The following WNT7A variants were observed in gnomAD, a reference collection of about 807,000 sequenced individuals.
WNT7A encodes protein Wnt-7a.
Under a neutral mutation model 28.2 loss-of-function variants are expected in WNT7A, and 16 were observed. The ratio of observed to expected loss-of-function variants is 0.57; its 90% CI spans 0.38 to 0.86. WNT7A has a LOEUF of 0.86. WNT7A is among the 40% of genes least tolerant of loss of function. The probability of loss-of-function intolerance (pLI) is 0.00; values close to 1 mark genes in which losing one functional copy is unlikely to be tolerated. For synonymous variants in WNT7A, 190 were observed against 195.9 expected (o/e 0.97, Z 0.25); for missense variants, 411 against 489.7 (o/e 0.84, Z 1.52).
At chr3:13,855,017 G>T (rs1376092254) in intron 2 of WNT7A, among the ~76,000 whole-genome samples, 1 of 152,188 alleles carries the variant, frequency 6.6e-6, no homozygotes, top group Non-Finnish European at 1.5e-5. Flanking sequence ...CAGAACCTGG[G>T]GAGTCAACTG....
At chr3:13,860,093 G>C (rs1694803797) in intron 2 of WNT7A, among the ~76,000 whole-genome samples, 1 of 152,140 alleles carries the variant, frequency 6.6e-6, no homozygotes, top group Non-Finnish European at 1.5e-5. Context: ...AGAGTAGAGA[G>C]AAGGTAACAT....
chr3:13,849,951 C>T (rs1164899593), intron 3 of WNT7A, among the ~76,000 whole-genome samples: 1 of 152,126 alleles, frequency 6.6e-6, no homozygotes. Flanking sequence ...CCCAAGAACC[C>T]CATGTCATTC....
At chr3:13,838,601 C>T (rs182918255) in intron 3 of WNT7A, among the ~76,000 whole-genome samples, 233 of 152,280 alleles carry the variant, frequency 1.5e-3, no homozygotes, top group African/African-American at 5.3e-3. Flanking sequence ...GGGAGGTACC[C>T]GACTCACAGG....
intron 3 of WNT7A, among the ~76,000 whole-genome samples, chr3:13,828,710 C>T (rs1233176744): frequency 6.6e-6 from 1 of 152,184 alleles, no homozygotes; most frequent in East Asian, 1.9e-4. Context: ...CTGCTTCCTC[C>T]CCTCTGAAAC....
Position 13,876,627 on chromosome 3 carries a change from A to T in WNT7A, c.72-1454T>A, listed in dbSNP as rs2124880862. 2.0e-5 allele frequency among the ~76,000 whole-genome samples: 3 copies of T among 152,258 alleles called. No individual in the cohort carries two copies. In the East Asian group the frequency reaches 5.8e-4, roughly 29 times the overall value. ...GTTCTCCTGTACCAATAACTCAAGG[A>T]GGTGACATGGACCCATGCCCTCCAA... is the stretch of plus-strand genomic sequence containing the variant. On this transcript the variant is annotated intron_variant, in intron 1 of 3. Coordinates refer to ENST00000285018, the MANE Select transcript of WNT7A (RefSeq NM_004625.4).
At chr3:13,876,467 G>A (rs1695112810) in intron 1 of WNT7A, among the ~76,000 whole-genome samples, 1 of 152,220 alleles carries the variant, frequency 6.6e-6, no homozygotes, top group Non-Finnish European at 1.5e-5. Flanking sequence ...GGAGCAGAGG[G>A]ACTAGGCAGG....
intron 1 of WNT7A, 50 bp downstream of exon 1, chr3:13,879,696 C>G (rs1695177594): frequency 6.3e-7 from 1 of 1,588,186 alleles, no homozygotes; most frequent in South Asian, 1.1e-5. Flanking sequence ...CTCCCCGGGC[C>G]GTGCCAACTT....
At chr3:13,837,671 G>A (rs554162318) in intron 3 of WNT7A, among the ~76,000 whole-genome samples, 3 of 152,122 alleles carry the variant, frequency 2.0e-5, no homozygotes, top group Admixed American at 6.5e-5. Context: ...GAAGCATCCC[G>A]GAAAGTCTCT....
intron 2 of WNT7A, among the ~76,000 whole-genome samples, chr3:13,856,878 G>GA (rs1559303121): frequency 3.2e-5 from 4 of 125,716 alleles, no homozygotes; most frequent in East Asian, 2.3e-4. Flanking sequence ...AGAGGAAGAA[G>GA]AGGAAGAAGA....
At position 13,875,142 on chromosome 3, in the gene WNT7A, T is replaced by A; in HGVS notation, c.103A>T (p.Ser35Cys). The A allele has an allele frequency of 1.2e-6, 2 of 1,614,126 alleles. No homozygotes were observed. Among genetic ancestry groups the A allele is most frequent in the South Asian group, 2.2e-5 (2 of 91,084 alleles). The change falls in exon 2 of 4, where the codon AGC becomes TGC. Residue 35 changes from serine (S) to cysteine (C), a missense_variant. Physicochemically the swap from Ser to Cys is moderately radical, Grantham distance 112. Transcript: ENST00000285018. ...GFSSVVALGA[S>C]IICNKIPGLA... ...CCTGGGATCTTGTTACAGATGATGC[T>A]TGCGCCCAGAGCTACCACTGAGGAG...
chr3:13,870,966 C>T (rs1695018888), intron 2 of WNT7A, among the ~76,000 whole-genome samples: 1 of 152,212 alleles, frequency 6.6e-6, no homozygotes, highest in East Asian at 1.9e-4. Flanking sequence ...ATTGCTGCCT[C>T]TCAGCTCTAT....
chr3:13,870,986 C>T (rs183407854), intron 2 of WNT7A, among the ~76,000 whole-genome samples: 1 of 152,348 alleles, frequency 6.6e-6, no homozygotes, highest in Admixed American at 6.5e-5. Context: ...TGCAGGAAAA[C>T]TGAATACTCA....
intron 3 of WNT7A, among the ~76,000 whole-genome samples, chr3:13,841,892 C>T (rs1309632535): frequency 6.6e-6 from 1 of 152,174 alleles, no homozygotes; most frequent in East Asian, 1.9e-4. Flanking sequence ...CAGGAAAGGC[C>T]TCCTTGAGAG....
intron 2 of WNT7A, among the ~76,000 whole-genome samples, chr3:13,867,761 A>G (rs1694935031): frequency 6.6e-6 from 1 of 152,188 alleles, no homozygotes; most frequent in African/African-American, 2.4e-5. Flanking sequence ...AGAACCCACA[A>G]CCCAACAGAA....
chr3:13,859,584 T>A (rs1404010397), intron 2 of WNT7A, among the ~76,000 whole-genome samples: 1 of 152,238 alleles, frequency 6.6e-6, no homozygotes, highest in African/African-American at 2.4e-5. Context: ...TAGCTGCTGA[T>A]TATCTGTTCC....
chr3:13,866,575 GA>G (rs1694913442), intron 2 of WNT7A, among the ~76,000 whole-genome samples: 1 of 152,206 alleles, frequency 6.6e-6, no homozygotes, highest in Admixed American at 6.5e-5. Flanking sequence ...AGGGGGTAAT[GA>G]AGGCTTCTCC....
intron 3 of WNT7A, among the ~76,000 whole-genome samples, chr3:13,839,652 T>G (rs1694425638): frequency 6.6e-6 from 1 of 152,194 alleles, no homozygotes; most frequent in South Asian, 2.1e-4. Flanking sequence ...CTGTGTGTTT[T>G]AAAAACAAAC....
intron 2 of WNT7A, among the ~76,000 whole-genome samples, chr3:13,862,174 C>T (rs957303189): frequency 3.9e-5 from 6 of 152,224 alleles, no homozygotes; most frequent in Admixed American, 1.3e-4. Flanking sequence ...GGAATGAAGC[C>T]TCTATGGAGC....
chr3:13,843,559 G>A lies in WNT7A; in HGVS notation c.570+10973C>T, dbSNP rs114306907. On this transcript the variant is annotated intron_variant, in intron 3 of 3. Transcript: ENST00000285018. Reference sequence around the variant, plus strand: ...ACCTGCCTCCCATCCAAAACTCTCAGCCCAGCAGAGAACACCTCCGGGGGA... The same window carrying A: ...ACCTGCCTCCCATCCAAAACTCTCAACCCAGCAGAGAACACCTCCGGGGGA... 5.8e-4 allele frequency among the ~76,000 whole-genome samples: 88 copies of A among 152,004 alleles called. 1 individual carries two copies. Among genetic ancestry groups the A allele is most frequent in the African/African-American group, 2.0e-3 (85 of 41,468 alleles).
Sources: gnomAD v4.1 joint callset for allele counts (sites outside exome capture counted in the v4.1 genomes callset) on GRCh38, gnomAD v4.1.1 for gene constraint, MANE v1.5 for transcripts, NCBI Gene and HGNC (gene_info 2026-07-23, HGNC 2026-07-21) for gene names.